PSMA1: variants seen among roughly 807,000 people sequenced by gnomAD.
PSMA1 encodes the protein proteasome 20S subunit alpha 1.
PSMA1 carries 3 observed loss-of-function variants against 38.4 expected under a neutral mutation model. The ratio of observed to expected loss-of-function variants is 0.08; its 90% CI spans 0.04 to 0.20. The LOEUF is 0.20. PSMA1 is among the 10% of genes least tolerant of loss of function. The pLI is 1.00. For synonymous variants in PSMA1, 101 were observed against 107.1 expected, an observed-to-expected ratio of 0.94 and a Z score of 0.35; for missense variants, 227 against 325.3, an observed-to-expected ratio of 0.70 and a Z score of 2.32.
intron 2 of PSMA1, among the ~76,000 whole-genome samples, chr11:14,545,515 A>G (rs1343724579): frequency 6.6e-6 from 1 of 151,948 alleles, no homozygotes; most frequent in African/African-American, 2.4e-5. Flanking sequence ...TCCTGTGTCC[A>G]TGTGTTCTCA....
At chr11:14,604,085 G>T (rs1489132190) in intron 2 of PSMA1, among the ~76,000 whole-genome samples, 3 of 152,164 alleles carry the variant, frequency 2.0e-5, no homozygotes, top group Non-Finnish European at 4.4e-5. Flanking sequence ...TTTCCAGTAA[G>T]CTGAGAGAGG....
Position 14,505,061 on chromosome 11 carries a change from C to A in PSMA1, c.*131G>T. 1 of 849,146 alleles carries A rather than the reference C, an allele frequency of 1.2e-6. No individual in the cohort carries two copies. Among genetic ancestry groups the A allele is most frequent in the Non-Finnish European group, 2.0e-6 (1 of 499,616 alleles). 52.6% of individuals were successfully genotyped at this position (849,146 alleles called of 1,614,324 possible). On this transcript the variant is annotated 3_prime_UTR_variant, in exon 10 of 10. Transcript: ENST00000396394. ...GAGGTTGCTTGGAAAAAACTCACAT[C>A]TGGACTGATTCCTAAAACATAGCAT...
intron 1 of PSMA1, among the ~76,000 whole-genome samples, chr11:14,621,860 C>T (rs1048696296): frequency 5.3e-5 from 8 of 152,142 alleles, no homozygotes; most frequent in Non-Finnish European, 1.0e-4. Context: ...TCTCTGCGGC[C>T]TGGAAAAATA....
intron 2 of PSMA1, among the ~76,000 whole-genome samples, chr11:14,561,042 G>C (rs1852002063): frequency 6.6e-6 from 1 of 152,148 alleles, no homozygotes; most frequent in Non-Finnish European, 1.5e-5. Context: ...TCATGTATAT[G>C]AATATTTTAA....
chr11:14,517,010 C>T (rs1851440842), intron 4 of PSMA1, among the ~76,000 whole-genome samples: 1 of 152,204 alleles, frequency 6.6e-6, no homozygotes, highest in Admixed American at 6.5e-5. Flanking sequence ...AGCCAAATCT[C>T]AGATACTAAG....
At chr11:14,612,655 T>C (rs1852724133) in intron 1 of PSMA1, among the ~76,000 whole-genome samples, 2 of 152,194 alleles carry the variant, frequency 1.3e-5, no homozygotes, top group South Asian at 4.1e-4. Context: ...GAAAGAGATA[T>C]AAATAAAATA....
chr11:14,594,258 T>C (rs1259019649), intron 2 of PSMA1, among the ~76,000 whole-genome samples: 2 of 152,186 alleles, frequency 1.3e-5, no homozygotes, highest in African/African-American at 2.4e-5. Context: ...TCAACTGATA[T>C]AGTTAGGAAA....
chr11:14,636,756 G>A (rs534417184), intron 1 of PSMA1, among the ~76,000 whole-genome samples: 1 of 152,276 alleles, frequency 6.6e-6, no homozygotes, highest in Non-Finnish European at 1.5e-5. Flanking sequence ...TAGTCACCTA[G>A]GCTAGACCTG....
At chr11:14,604,389 C>A (rs1019434072) in intron 2 of PSMA1, among the ~76,000 whole-genome samples, 3 of 152,054 alleles carry the variant, frequency 2.0e-5, no homozygotes, top group South Asian at 4.1e-4. Context: ...CTGTTATATT[C>A]TGTAGAATAT....
intron 2 of PSMA1, among the ~76,000 whole-genome samples, chr11:14,567,791 G>T (rs899106400): frequency 6.6e-6 from 1 of 152,004 alleles, no homozygotes; most frequent in South Asian, 2.1e-4. Flanking sequence ...TGTGTTTTTT[G>T]GTGATTTTGC....
upstream of PSMA1, among the ~76,000 whole-genome samples, chr11:14,523,646 A>C (rs1701411472): frequency 6.7e-6 from 1 of 149,402 alleles, no homozygotes; most frequent in Admixed American, 6.7e-5. Flanking sequence ...GCTGGAGTGC[A>C]ATGGCACAAT....
At chr11:14,528,585 C>T (rs183969762) in intron 2 of PSMA1, among the ~76,000 whole-genome samples, 11 of 152,186 alleles carry the variant, frequency 7.2e-5, no homozygotes, top group Admixed American at 6.5e-4. Context: ...AACTCTTTAC[C>T]ACTATTTTGT....
intron 2 of PSMA1, among the ~76,000 whole-genome samples, chr11:14,550,615 T>C (rs1851874988): frequency 6.6e-6 from 1 of 151,882 alleles, no homozygotes; most frequent in African/African-American, 2.4e-5. Flanking sequence ...AAAAAAAACA[T>C]TGAAAAGAGA....
chr11:14,553,671 G>GAGTAGTATTC (rs1367247723), intron 2 of PSMA1, among the ~76,000 whole-genome samples: 1 of 151,502 alleles, frequency 6.6e-6, no homozygotes, highest in Non-Finnish European at 1.5e-5. Context: ...TTTTATTACT[G>GAGTAGTATTC]AGTAGTATTC....
chr11:14,603,099 A>G (rs2134194715), intron 2 of PSMA1, among the ~76,000 whole-genome samples: 1 of 152,334 alleles, frequency 6.6e-6, no homozygotes, highest in South Asian at 2.1e-4. Flanking sequence ...AGCTAGAGGT[A>G]ACCAACGCAA....
At chr11:14,561,082 G>C (rs79207736) in intron 2 of PSMA1, among the ~76,000 whole-genome samples, 1 of 151,964 alleles carries the variant, frequency 6.6e-6, no homozygotes, top group African/African-American at 2.4e-5. Flanking sequence ...ATATCACTTC[G>C]TTGCTTAGAA....
At chr11:14,520,563 C>T, upstream of PSMA1, 1 of 1,185,478 alleles carries the variant, frequency 8.4e-7, no homozygotes. Context: ...GTGCCGGCGG[C>T]TGAGAGCTGC....
chr11:14,631,480 G>A (rs1289869502), intron 1 of PSMA1, among the ~76,000 whole-genome samples: 5 of 152,080 alleles, frequency 3.3e-5, no homozygotes, highest in Non-Finnish European at 5.9e-5. Context: ...GCGGTTTTGA[G>A]TGAGATTCTT....
In PSMA1 at chr11:14,508,561, C is replaced by CAAAAAAAAA. The variant is rs60499933; in HGVS notation, c.625-804_625-796dup. ...TCCTCTTCCAGTCACCACTCCATCT[C>CAAAAAAAAA]AAAAAAAAAAAAAAAACCCAGATTG... is the stretch of plus-strand genomic sequence containing the variant. On this transcript the variant is annotated intron_variant, in intron 8 of 9. Coordinates refer to ENST00000396394, the MANE Select transcript of PSMA1 (RefSeq NM_002786.4). Among the ~76,000 whole-genome samples, 98 of 47,118 alleles carry CAAAAAAAAA rather than the reference C, an allele frequency of 2.1e-3. 18 individuals are homozygous for CAAAAAAAAA. Among genetic ancestry groups the CAAAAAAAAA allele is most frequent in the African/African-American group, 5.7e-3 (68 of 11,880 alleles). The allele number at this position is 47,118 out of a possible 152,430, so 30.9% of individuals were successfully genotyped here.
Sources: gnomAD v4.1 joint callset for allele counts (sites outside exome capture counted in the v4.1 genomes callset) on GRCh38, gnomAD v4.1.1 for gene constraint, MANE v1.5 for transcripts, NCBI Gene and HGNC (gene_info 2026-07-23, HGNC 2026-07-21) for gene names.